Variants in SOD2 observed in about 807,000 individuals in gnomAD.
SOD2 encodes superoxide dismutase [Mn], mitochondrial.
A neutral mutation model predicts 27.0 loss-of-function variants in SOD2; 11 were observed. The ratio of observed to expected loss-of-function variants is 0.41; its 90% CI spans 0.26 to 0.67. The LOEUF is 0.67. SOD2 is among the 30% of genes least tolerant of loss of function. SOD2 has a pLI of 0.34. For synonymous variants in SOD2, 105 were observed against 103.0 expected, an observed-to-expected ratio of 1.02 and a Z score of -0.12; for missense variants, 250 against 274.5, an observed-to-expected ratio of 0.91 and a Z score of 0.63.
chr6:159,716,678 T>C (rs190413303), intron 1 of SOD2, among the ~76,000 whole-genome samples: 69 of 152,274 alleles, frequency 4.5e-4, no homozygotes, highest in Middle Eastern at 6.8e-3. Context: ...ATTGAAAATA[T>C]AGAAAGGGAC....
At chr6:159,747,101 A>G (rs1237250289), upstream of SOD2, among the ~76,000 whole-genome samples, 3 of 152,208 alleles carry the variant, frequency 2.0e-5, no homozygotes, top group African/African-American at 7.2e-5. Flanking sequence ...TACTAAATTT[A>G]TATTAGAAAA....
chr6:159,707,537 G>C (rs372223754), intron 1 of SOD2, among the ~76,000 whole-genome samples: 1 of 152,112 alleles, frequency 6.6e-6, no homozygotes, highest in Non-Finnish European at 1.5e-5. Flanking sequence ...TAAGTTCCAG[G>C]ACACATACAC....
exon 1 of SOD2, chr6:159,762,194 A>G (rs1780153136): frequency 6.4e-7 from 1 of 1,570,750 alleles, no homozygotes; most frequent in African/African-American, 1.4e-5. Flanking sequence ...CTGCTTCGGC[A>G]GGAGCGCCGA....
chr6:159,758,346 CT>C (rs1780057815), intron 1 of SOD2, among the ~76,000 whole-genome samples: 7 of 152,084 alleles, frequency 4.6e-5, no homozygotes, highest in Admixed American at 4.6e-4. Context: ...ACAGTGCCCC[CT>C]GATTGGTGCC....
At chr6:159,697,034 GACACACACACAC>G (rs35334577), upstream of SOD2, among the ~76,000 whole-genome samples, 128 of 132,722 alleles carry the variant, frequency 9.6e-4, no homozygotes, top group East Asian at 4.0e-3. Context: ...AGGAGACCCT[GACACACACACAC>G]ACACACACAC....
chr6:159,753,709 T>C (rs1779901283), intron 1 of SOD2: 1 of 1,423,614 alleles, frequency 7.0e-7, no homozygotes, highest in Admixed American at 2.4e-5. Context: ...ATTCTGTACA[T>C]TGTTAACCTC....
intron 4 of SOD2, among the ~76,000 whole-genome samples, chr6:159,683,466 C>G (rs140593272): frequency 1.1e-3 from 168 of 152,296 alleles, no homozygotes; most frequent in African/African-American, 3.9e-3. Flanking sequence ...GCCTGGGCAA[C>G]AGAGTGAGAC....
intron 1 of SOD2, among the ~76,000 whole-genome samples, chr6:159,733,098 G>T (rs1014264443): frequency 6.6e-6 from 1 of 152,092 alleles, no homozygotes; most frequent in South Asian, 2.1e-4. Context: ...ACCAGGTTAA[G>T]GTAGTTACAA....
intron 1 of SOD2, among the ~76,000 whole-genome samples, chr6:159,725,000 A>C (rs1778120612): frequency 6.6e-6 from 1 of 152,020 alleles, no homozygotes; most frequent in South Asian, 2.1e-4. Flanking sequence ...GAAGAAAACA[A>C]AACAGAAGTA....
At chr6:159,729,677 A>C (rs910395120), upstream of SOD2, among the ~76,000 whole-genome samples, 1 of 152,246 alleles carries the variant, frequency 6.6e-6, no homozygotes, top group South Asian at 2.1e-4. Context: ...GCAAGAGTTA[A>C]AAGACTTGCT....
At chr6:159,711,909 T>A (rs574733046) in intron 1 of SOD2, among the ~76,000 whole-genome samples, 5 of 126,776 alleles carry the variant, frequency 3.9e-5, no homozygotes, top group East Asian at 3.2e-4. Context: ...CACATTGCTC[T>A]GATCACCATA....
chr6:159,698,967 T>C (rs1583027816), intron 1 of SOD2, among the ~76,000 whole-genome samples: 1 of 148,984 alleles, frequency 6.7e-6, no homozygotes. Context: ...CAGAAGAAAA[T>C]CTACATAGAA....
At chr6:159,693,577 C>G (rs1777347233), upstream of SOD2, among the ~76,000 whole-genome samples, 1 of 152,222 alleles carries the variant, frequency 6.6e-6, no homozygotes, top group African/African-American at 2.4e-5. Context: ...GCCTCCGGCT[C>G]CGCCCCTGAG....
In SOD2 at chr6:159,682,090, T is replaced by A. The variant is rs1779989331; in HGVS notation, c.*403A>T. ...AATTTTCTATAGAAAGCCGAGTGTT[T>A]CCCTTGGGAAAGTGTTAATATTTTA... On this transcript the variant is annotated 3_prime_UTR_variant, in exon 5 of 5. Transcript: ENST00000538183. 6.5e-6 allele frequency: 1 copy of A among 154,140 alleles called. No individual in the cohort carries two copies. The highest frequency in any genetic ancestry group is 1.4e-5 in the Non-Finnish European group (1 of 69,312). 9.5% of individuals were successfully genotyped at this position (154,140 alleles called of 1,614,324 possible).
chr6:159,748,077 G>T, upstream of SOD2: 1 of 1,288,938 alleles, frequency 7.8e-7, no homozygotes, highest in Non-Finnish European at 1.1e-6. This position sits in a 1 kb window ranked among gnomAD's most constrained non-coding sequence, Gnocchi z 5.6. Flanking sequence ...GGATCAAAGA[G>T]GGGAGGAGCT....
chr6:159,756,936 T>C (rs1583114323), intron 1 of SOD2, among the ~76,000 whole-genome samples: 2 of 152,120 alleles, frequency 1.3e-5, no homozygotes, highest in East Asian at 1.9e-4. Context: ...GCAGCGTTGG[T>C]TTTTTGTGAC....
intron 3 of SOD2, among the ~76,000 whole-genome samples, chr6:159,685,735 A>C (rs748995612): frequency 2.0e-5 from 3 of 150,584 alleles, no homozygotes. Flanking sequence ...TTTTATATCC[A>C]TAAGTACTCC....
chr6:159,738,974 G>A (rs1299723144), intron 1 of SOD2: 1 of 1,598,284 alleles, frequency 6.3e-7, no homozygotes, highest in Non-Finnish European at 8.6e-7. Flanking sequence ...AATTCATATT[G>A]TAATTCTCTT....
chr6:159,750,675 A>G (rs1183411583), intron 1 of SOD2, among the ~76,000 whole-genome samples: 2 of 152,174 alleles, frequency 1.3e-5, no homozygotes, highest in South Asian at 2.1e-4. Context: ...ATGTATCTAG[A>G]CAACTACATT....
Sources: allele counts gnomAD v4.1 joint callset (sites outside exome capture counted in the v4.1 genomes callset), GRCh38; gene constraint gnomAD v4.1.1; non-coding constraint Gnocchi (gnomAD v3.1); transcripts MANE v1.5; gene names NCBI Gene and HGNC (gene_info 2026-07-23, HGNC 2026-07-21).